The following PLEKHF1 variants were observed in gnomAD, a reference collection of about 807,000 sequenced individuals.
PLEKHF1 encodes the protein pleckstrin homology domain-containing family F member 1.
In PLEKHF1, 1 loss-of-function variant was observed where a neutral mutation model predicts 4.1. That is an observed-to-expected ratio of 0.24 (90% confidence interval 0.09 to 1.15). PLEKHF1 has a LOEUF of 1.15. PLEKHF1 is among the 50% of genes most tolerant of loss of function. PLEKHF1 has a pLI of 0.52. For synonymous variants in PLEKHF1, 182 were observed against 178.5 expected, an observed-to-expected ratio of 1.02 and a Z score of -0.16; for missense variants, 429 against 400.6, an observed-to-expected ratio of 1.07 and a Z score of -0.60.
intron 1 of PLEKHF1, among the ~76,000 whole-genome samples, chr19:29,670,284 G>A (rs149864885): frequency 6.6e-6 from 1 of 152,038 alleles, no homozygotes; most frequent in East Asian, 1.9e-4. Context: ...GACAACCTCC[G>A]CATTCCCCTT....
rs115385934 is a variant in PLEKHF1 at position 29,671,511 on chromosome 19, T to C, written c.-16-2313T>C. Among the ~76,000 whole-genome samples, 893 of 152,296 alleles carry C rather than the reference T, an allele frequency of 5.9e-3. 7 individuals are homozygous for C. The highest frequency in any genetic ancestry group is 0.021 in the African/African-American group (869 of 41,554). On this transcript the variant is annotated intron_variant, in intron 1 of 1. Transcript: ENST00000436066. The surrounding 1 kb of genome is among the most constrained non-coding windows in gnomAD (Gnocchi z 4.0). Reference sequence around the variant, plus strand: ...TCTCTGCTGGGCAGTCATTGCTCTTTGTGGAATGCAGTTCTGGTTTTGTCA... The same window carrying C: ...TCTCTGCTGGGCAGTCATTGCTCTTCGTGGAATGCAGTTCTGGTTTTGTCA...
rs1244727064 is a variant in PLEKHF1 at position 29,674,498 on chromosome 19, C to T, written c.659C>T (p.Ala220Val). The change falls in exon 2 of 2, where the codon GCG becomes GTG. Residue 220 changes from alanine to valine, a missense_variant. Transcript: ENST00000436066. ...ELAAQQRQEE[A>V]EEQGAGSPGQ... The stretch of plus-strand genomic sequence containing the variant: ...GCCGCCCAGCAGCGGCAGGAGGAGG[C>T]GGAGGAGCAGGGCGCGGGGTCCCCA... 2 of 1,550,610 alleles carry T rather than the reference C, an allele frequency of 1.3e-6. No individual in the cohort carries two copies. The highest frequency in any genetic ancestry group is 1.9e-5 in the Admixed American group (1 of 51,644).
rs1971687694 is a variant in PLEKHF1 at position 29,674,853 on chromosome 19, A to G, written c.*174A>G. The G allele has an allele frequency of 2.1e-6, 2 of 957,554 alleles. No individual in the cohort carries two copies. Among genetic ancestry groups the G allele is most frequent in the South Asian group, 4.0e-5 (2 of 49,620 alleles). 59.3% of individuals were successfully genotyped at this position (957,554 alleles called of 1,614,324 possible). A position where few individuals can be genotyped will look rare whatever the true frequency, so the allele number is the denominator to read the frequency against. ...CCTTTTTGCTGGACACTGTGTCCTTATGGCTTCACTGCAGGTAATGCCTTT... is the reference window on the plus strand; with the variant it reads ...CCTTTTTGCTGGACACTGTGTCCTTGTGGCTTCACTGCAGGTAATGCCTTT... On this transcript the variant is annotated 3_prime_UTR_variant, in exon 2 of 2. Coordinates refer to ENST00000436066, the MANE Select transcript of PLEKHF1 (RefSeq NM_024310.5).
intron 1 of PLEKHF1, 76 bp from the exon 2 acceptor site, chr19:29,673,748 G>A: frequency 6.5e-7 from 1 of 1,533,086 alleles, no homozygotes. Flanking sequence ...GGGTTAGTCA[G>A]TTGGGGGTGG....
intron 1 of PLEKHF1, among the ~76,000 whole-genome samples, chr19:29,667,981 C>A (rs1385576948): frequency 6.6e-6 from 1 of 152,154 alleles, no homozygotes; most frequent in Non-Finnish European, 1.5e-5. Flanking sequence ...AGCTCTCCAG[C>A]CCCTGCTGTT....
At chr19:29,667,544 A>G (rs1971582871) in intron 1 of PLEKHF1, among the ~76,000 whole-genome samples, 1 of 151,860 alleles carries the variant, frequency 6.6e-6, no homozygotes, top group Non-Finnish European at 1.5e-5. Flanking sequence ...TGCCCCCAGA[A>G]CTCTGATTCC....
chr19:29,674,768 G>C lies in PLEKHF1; in HGVS notation c.*89G>C, dbSNP rs1192921221. The stretch of plus-strand genomic sequence containing the variant: ...CTCCAGAAGCTGCCCAGGGCTCCGG[G>C]ACCCCATCCCATGGTGGCAGGTGCA... On this transcript the variant is annotated 3_prime_UTR_variant, in exon 2 of 2. Coordinates refer to ENST00000436066, the MANE Select transcript of PLEKHF1 (RefSeq NM_024310.5). 6.8e-7 allele frequency: 1 copy of C among 1,476,570 alleles called. No homozygotes were observed. Among genetic ancestry groups the C allele is most frequent in the Non-Finnish European group, 9.0e-7 (1 of 1,114,242 alleles). 91.5% of individuals were successfully genotyped at this position (1,476,570 alleles called of 1,614,324 possible).
rs1971555082 is a variant in PLEKHF1, at chr19:29,665,469, G to A, written c.-53G>A. On this transcript the variant is annotated 5_prime_UTR_variant, in exon 1 of 2. The change creates a new upstream start codon in the 5' untranslated region. Coordinates refer to ENST00000436066, the MANE Select transcript of PLEKHF1 (RefSeq NM_024310.5). ...GGGCGGGGACCCGGGCTACTGCGGTGTGGACTCGAGGGCTGGGCGCGGGGC... is the reference window on the plus strand; with the variant it reads ...GGGCGGGGACCCGGGCTACTGCGGTATGGACTCGAGGGCTGGGCGCGGGGC... 4.2e-6 allele frequency: 4 copies of A among 963,268 alleles called. No homozygotes were observed. Among genetic ancestry groups the A allele is most frequent in the Non-Finnish European group, 5.4e-6 (4 of 740,460 alleles). The allele number at this position is 963,268 out of a possible 1,614,324, so 59.7% of individuals were successfully genotyped here. A position where few individuals can be genotyped will look rare whatever the true frequency, so the allele number is the denominator to read the frequency against.
intron 1 of PLEKHF1, chr19:29,665,776 G>C: frequency 9.2e-7 from 1 of 1,081,638 alleles, no homozygotes; most frequent in South Asian, 2.1e-5. Context: ...GGGGAAACGC[G>C]CAGATGTAAG....
chr19:29,667,411 T>C (rs1185569404), intron 1 of PLEKHF1, among the ~76,000 whole-genome samples: 1 of 152,170 alleles, frequency 6.6e-6, no homozygotes, highest in Non-Finnish European at 1.5e-5. Context: ...GTGGGACTCA[T>C]AAATATTTGG....
In PLEKHF1 at chr19:29,674,681, C is replaced by A; in HGVS notation, c.*2C>A. On this transcript the variant is annotated 3_prime_UTR_variant, in exon 2 of 2. Coordinates refer to ENST00000436066, the MANE Select transcript of PLEKHF1 (RefSeq NM_024310.5). ...GCCTGGTCTGCCTTCCACAGCTGACCCCCGGCCTGCAGAACATCTGTCCCC... is the reference window on the plus strand; with the variant it reads ...GCCTGGTCTGCCTTCCACAGCTGACACCCGGCCTGCAGAACATCTGTCCCC... 1.9e-6 allele frequency: 3 copies of A among 1,591,204 alleles called. No individual in the cohort carries two copies. Among genetic ancestry groups the A allele is most frequent in the South Asian group, 2.2e-5 (2 of 88,966 alleles).
intron 1 of PLEKHF1, among the ~76,000 whole-genome samples, chr19:29,670,747 G>C (rs1035684738): frequency 1.3e-5 from 2 of 151,682 alleles, no homozygotes; most frequent in African/African-American, 4.8e-5. Flanking sequence ...GCGCGATCTC[G>C]GCTCACTGCA....
At chr19:29,665,890 G>T (rs7254984) in intron 1 of PLEKHF1, 206,031 of 834,036 alleles carry the variant, frequency 0.25, 31,384 homozygotes, top group African/African-American at 0.67. Flanking sequence ...TGGCCGCCGG[G>T]ACCTCTCTTC....
intron 1 of PLEKHF1, among the ~76,000 whole-genome samples, chr19:29,669,982 A>G (rs1971611853): frequency 1.3e-5 from 2 of 152,084 alleles, no homozygotes; most frequent in Non-Finnish European, 2.9e-5. Context: ...CCCAGGCTGG[A>G]GTGCAGTGGT....
Position 29,674,099 on chromosome 19 carries a change from T to C in PLEKHF1, c.260T>C (p.Leu87Pro), listed in dbSNP as rs1599511573. 1.2e-6 allele frequency: 2 copies of C among 1,613,984 alleles called. No homozygotes were observed. The highest frequency in any genetic ancestry group is 1.7e-6 in the Non-Finnish European group (2 of 1,180,006). Residue 87 changes from leucine to proline, a missense_variant, in exon 2 of 2, where the codon CTG becomes CCG. By Grantham distance (98) the Leu-to-Pro change is moderately conservative. Coordinates refer to ENST00000436066, the MANE Select transcript of PLEKHF1 (RefSeq NM_024310.5). ...QHIIPLEEVTLELLPETLQAK... is the reference protein window; with the variant it reads ...QHIIPLEEVTPELLPETLQAK... ...ATCATCCCCCTGGAGGAGGTCACAC[T>C]GGAGCTGTTGCCGGAGACGCTGCAG...
At position 29,673,850 on chromosome 19, in the gene PLEKHF1, AC is replaced by A. The variant is rs1159294882; in HGVS notation, c.12del (p.Leu5TrpfsTer38). On this transcript the variant is annotated frameshift_variant, in exon 2 of 2. Coordinates refer to ENST00000436066, the MANE Select transcript of PLEKHF1 (RefSeq NM_024310.5). LOFTEE classifies it low-confidence loss of function (END_TRUNC). ...CGCCAGCTGGAGACGATGGTGGACC[AC>A]TTGGCCAACACGGAGATCAACAGCC... The part of the protein sequence containing the change: MVD[H>X]LANTEINSQR... The A allele has an allele frequency of 6.3e-7, 1 of 1,598,046 alleles. No homozygotes were observed. The highest frequency in any genetic ancestry group is 8.5e-7 in the Non-Finnish European group (1 of 1,169,900).
chr19:29,673,789 G>A (rs747948976), intron 1 of PLEKHF1, 35 bp from the exon 2 acceptor site: 1 of 1,560,250 alleles, frequency 6.4e-7, no homozygotes, highest in East Asian at 2.3e-5. Context: ...CCATGCCTGA[G>A]CCTGGACATA....
At chr19:29,667,298 G>A (rs926202683) in intron 1 of PLEKHF1, 1 of 152,256 alleles carries the variant, frequency 6.6e-6, no homozygotes, top group Non-Finnish European at 1.5e-5. Flanking sequence ...TCTCAGAAAA[G>A]ACCCTGTGAA....
chr19:29,670,330 T>C (rs34898400), intron 1 of PLEKHF1, among the ~76,000 whole-genome samples: 55,190 of 152,122 alleles, frequency 0.36, 11,906 homozygotes, highest in Non-Finnish European at 0.5. Context: ...CTATTTTCTG[T>C]CTCTATGAAT....
Sources: allele counts gnomAD v4.1 joint callset (sites outside exome capture counted in the v4.1 genomes callset), GRCh38; gene constraint gnomAD v4.1.1; non-coding constraint Gnocchi (gnomAD v3.1); transcripts MANE v1.5; gene names NCBI Gene and HGNC (gene_info 2026-07-23, HGNC 2026-07-21).